The following ZCCHC4 variants were observed in gnomAD, a reference collection of about 807,000 sequenced individuals.
ZCCHC4 encodes zinc finger CCHC-type containing 4.
Under a neutral mutation model 67.7 loss-of-function variants are expected in ZCCHC4, and 54 were observed. That is an observed-to-expected ratio of 0.80 (90% CI 0.64 to 1.00). The LOEUF (loss-of-function observed/expected upper bound fraction) is 1.00. Among genes scored for constraint, ZCCHC4 ranks in the 50% least tolerant of loss-of-function variants. The pLI, the probability that ZCCHC4 is intolerant of heterozygous loss-of-function variation, is 0.00. For synonymous variants in ZCCHC4, 198 were observed against 213.5 expected (o/e 0.93, Z 0.63); for missense variants, 609 against 617.0 (o/e 0.99, Z 0.14).
At chr4:25,361,479 G>T (rs1487015573) in intron 8 of ZCCHC4, among the ~76,000 whole-genome samples, 1 of 152,232 alleles carries the variant, frequency 6.6e-6, no homozygotes, top group Non-Finnish European at 1.5e-5. Context: ...GCCATGTGAG[G>T]CTCATTAGGT....
Position 25,369,096 on chromosome 4 carries a change from A to G in ZCCHC4, c.1474A>G (p.Met492Val), listed in dbSNP as rs1387893484. Residue 492 changes from methionine (M) to valine (V), a missense_variant, in exon 13 of 13, where the codon ATG becomes GTG. Met to Val is a conservative substitution (Grantham distance 21). Transcript: ENST00000302874. ...MKMETTKGQS[M>V]NHTSATRRKK... ...AATGGAGACCACGAAAGGACAATCCATGAATCATACATCTGCTACAAGGAG... is the reference window on the plus strand; with the variant it reads ...AATGGAGACCACGAAAGGACAATCCGTGAATCATACATCTGCTACAAGGAG... The G allele has an allele frequency of 6.2e-7, 1 of 1,613,972 alleles. No homozygotes were observed. Among genetic ancestry groups the G allele is most frequent in the African/African-American group, 1.3e-5 (1 of 74,940 alleles).
rs1161289152 is a variant in ZCCHC4, at chr4:25,315,697, G to A, written c.329+297G>A. Among the ~76,000 whole-genome samples, 5 of 139,982 alleles carry A rather than the reference G, an allele frequency of 3.6e-5. No individual in the cohort carries two copies. In the East Asian group the frequency reaches 1.0e-3, roughly 29 times the overall value. 91.8% of individuals were successfully genotyped at this position (139,982 alleles called of 152,430 possible). A position where few individuals can be genotyped will look rare whatever the true frequency, so the allele number is the denominator to read the frequency against. On this transcript the variant is annotated intron_variant, in intron 3 of 12. Coordinates refer to ENST00000302874, the MANE Select transcript of ZCCHC4 (RefSeq NM_024936.3). ...CTCCTCCCAAACCCTAGTAACCTCT[G>A]ATTTATTTTTGTGTGTTTTTTTTTT...
At chr4:25,365,580 A>C (rs778547843) in intron 12 of ZCCHC4, 174 of 987,706 alleles carry the variant, frequency 1.8e-4, no homozygotes, top group Non-Finnish European at 2.1e-4. Context: ...AATAGCAAGT[A>C]ATTCCACAGT....
At chr4:25,356,381 T>A (rs1368510486) in intron 8 of ZCCHC4, among the ~76,000 whole-genome samples, 1 of 152,188 alleles carries the variant, frequency 6.6e-6, no homozygotes, top group African/African-American at 2.4e-5. Flanking sequence ...TAGAGGTACA[T>A]TAATTTACTC....
chr4:25,361,868 G>A lies in ZCCHC4; in HGVS notation c.1021G>A (p.Asp341Asn). 6.2e-7 allele frequency: 1 copy of A among 1,604,464 alleles called. No individual in the cohort carries two copies. Among genetic ancestry groups the A allele is most frequent in the Non-Finnish European group, 8.5e-7 (1 of 1,175,566 alleles). The change falls in exon 9 of 13, where the codon GAT becomes AAT. Residue 341 changes from aspartate to asparagine, a missense_variant. By Grantham distance (23) the Asp-to-Asn change is conservative. Coordinates refer to ENST00000302874, the MANE Select transcript of ZCCHC4 (RefSeq NM_024936.3). ...ATTTTTAACTTTCTAGGTAGATTAT[G>A]ATAATCATGCACTTTATAAACACGG... ...FQMLDYQVDY[D>N]NHALYKHGKT...
chr4:25,327,561 A>C (rs4334743), intron 3 of ZCCHC4, among the ~76,000 whole-genome samples: 126,105 of 152,032 alleles, frequency 0.83, 52,626 homozygotes, highest in African/African-American at 0.91. Context: ...CTCACTGTAG[A>C]CTCTACCTCC....
intron 5 of ZCCHC4, among the ~76,000 whole-genome samples, chr4:25,341,760 G>A (rs1045184412): frequency 6.6e-6 from 1 of 152,162 alleles, no homozygotes; most frequent in African/African-American, 2.4e-5. Context: ...TACCATAGTA[G>A]CCATCTTTAG....
At chr4:25,365,950 T>C (rs1365021859) in intron 12 of ZCCHC4, 4 of 983,384 alleles carry the variant, frequency 4.1e-6, no homozygotes, top group South Asian at 9.4e-5. Context: ...TGTTACACAG[T>C]TATTAATTGG....
chr4:25,326,507 T>G (rs1718891971), intron 3 of ZCCHC4, among the ~76,000 whole-genome samples: 2 of 152,266 alleles, frequency 1.3e-5, no homozygotes, highest in South Asian at 4.1e-4. Context: ...TCAGTTAACT[T>G]TATATGTGTT....
chr4:25,365,123 C>T lies in ZCCHC4; in HGVS notation c.1363C>T (p.Arg455Cys), dbSNP rs761309308. 2.5e-6 allele frequency: 4 copies of T among 1,614,176 alleles called. No individual in the cohort carries two copies. In the Admixed American group the frequency reaches 5.0e-5, roughly 20 times the overall value. Residue 455 changes from arginine to cysteine, a missense_variant, in exon 12 of 13, where the codon CGC becomes TGC. Coordinates refer to ENST00000302874, the MANE Select transcript of ZCCHC4 (RefSeq NM_024936.3). ...TATTTGTGGTGAACTGGATCATAAA[C>T]GCAGTACTTGTCCTAACATTGCTAC... is the stretch of plus-strand genomic sequence containing the variant. ...CFICGELDHK[R>C]STCPNIATSK...
chr4:25,351,127 T>A (rs538324613), intron 7 of ZCCHC4, among the ~76,000 whole-genome samples: 13 of 152,328 alleles, frequency 8.5e-5, no homozygotes, highest in Admixed American at 3.9e-4. Context: ...TTGGTAAAAC[T>A]GTTTTGAAGA....
At chr4:25,320,285 G>A (rs1718510086) in intron 3 of ZCCHC4, among the ~76,000 whole-genome samples, 1 of 151,942 alleles carries the variant, frequency 6.6e-6, no homozygotes, top group Non-Finnish European at 1.5e-5. Flanking sequence ...GAAGACTTAG[G>A]GAAGATATTT....
At chr4:25,364,974 A>C (rs1720885313) in intron 11 of ZCCHC4, 48 bp from the exon 12 acceptor site, 1 of 1,609,016 alleles carries the variant, frequency 6.2e-7, no homozygotes, top group Admixed American at 1.7e-5. Flanking sequence ...ATAAGATGAA[A>C]AATTACGTTA....
At chr4:25,322,640 C>A (rs1208280715) in intron 3 of ZCCHC4, among the ~76,000 whole-genome samples, 1 of 152,022 alleles carries the variant, frequency 6.6e-6, no homozygotes, top group Admixed American at 6.6e-5. Flanking sequence ...GTCTCAGCCT[C>A]CCAAGTAGCT....
intron 1 of ZCCHC4, among the ~76,000 whole-genome samples, chr4:25,313,728 T>G (rs1718085198): frequency 6.6e-6 from 1 of 151,824 alleles, no homozygotes; most frequent in Non-Finnish European, 1.5e-5. Context: ...GAAAAACAGC[T>G]GGGGACACGC....
chr4:25,331,464 C>G (rs1000540433), intron 3 of ZCCHC4, among the ~76,000 whole-genome samples: 2 of 152,096 alleles, frequency 1.3e-5, no homozygotes, highest in Non-Finnish European at 2.9e-5. Context: ...ACCACCACAC[C>G]TGGCTAATTT....
At chr4:25,322,000 T>C (rs1718607231) in intron 3 of ZCCHC4, among the ~76,000 whole-genome samples, 1 of 152,164 alleles carries the variant, frequency 6.6e-6, no homozygotes. Flanking sequence ...AGGACCAAGT[T>C]TTCACGAGGT....
At chr4:25,314,190 T>C (rs772352713) in intron 2 of ZCCHC4, 26 bp downstream of exon 2, 5 of 1,501,356 alleles carry the variant, frequency 3.3e-6, no homozygotes, top group Non-Finnish European at 4.6e-6. Context: ...GGATATTTAT[T>C]TTTTATTTTT....
At chr4:25,350,419 C>G (rs6850231) in intron 7 of ZCCHC4, among the ~76,000 whole-genome samples, 1,629 of 152,036 alleles carry the variant, frequency 0.011, 30 homozygotes, top group African/African-American at 0.038. Context: ...TGCCACCATG[C>G]CCACCTAATT....
Sources: allele counts gnomAD v4.1 joint callset (sites outside exome capture counted in the v4.1 genomes callset), GRCh38; gene constraint gnomAD v4.1.1; transcripts MANE v1.5; gene names NCBI Gene and HGNC (gene_info 2026-07-23, HGNC 2026-07-21).